MTUS2: variants seen among roughly 807,000 people sequenced by gnomAD.
The protein encoded by MTUS2 is microtubule-associated tumor suppressor candidate 2.
In MTUS2, 40 loss-of-function variants were observed where a neutral mutation model predicts 114.1. That is an observed-to-expected ratio of 0.35 (90% CI 0.27 to 0.46). The LOEUF is 0.46. Ranked by LOEUF, MTUS2 falls within the 20% of genes least tolerant of loss-of-function variation. MTUS2 has a pLI of 1.00. For missense variants in MTUS2, 1,679 were observed against 1,705.4 expected (o/e 0.98, Z 0.27); for synonymous variants, 688 against 672.0 (o/e 1.02, Z -0.37).
At chr13:29,137,677 C>T (rs866075771) in intron 5 of MTUS2, among the ~76,000 whole-genome samples, 1 of 151,802 alleles carries the variant, frequency 6.6e-6, no homozygotes, top group African/African-American at 2.4e-5. Flanking sequence ...AGTACAGTGG[C>T]GTGATCTTGG....
At chr13:29,330,765 G>A (rs1900736936) in intron 7 of MTUS2, among the ~76,000 whole-genome samples, 1 of 152,116 alleles carries the variant, frequency 6.6e-6, no homozygotes, top group African/African-American at 2.4e-5. Context: ...CATTATTTCT[G>A]AGGCCTTTAT....
intron 2 of MTUS2, among the ~76,000 whole-genome samples, chr13:28,896,533 C>A (rs1018784882): frequency 6.6e-6 from 1 of 152,126 alleles, no homozygotes; most frequent in Non-Finnish European, 1.5e-5. Flanking sequence ...ACTTTCTTCA[C>A]AGAATTGGAA....
intron 4 of MTUS2, among the ~76,000 whole-genome samples, chr13:29,091,899 A>G (rs1056372767): frequency 6.6e-6 from 1 of 152,234 alleles, no homozygotes; most frequent in South Asian, 2.1e-4. Flanking sequence ...TGCAGAGTAC[A>G]TGCTTGCTAG....
chr13:29,443,418 G>A (rs1460991375), intron 9 of MTUS2, among the ~76,000 whole-genome samples: 2 of 152,188 alleles, frequency 1.3e-5, no homozygotes, highest in Non-Finnish European at 2.9e-5. Flanking sequence ...TGCAGCAGGC[G>A]CTACACAAGG....
chr13:28,860,353 T>G (rs990542292), intron 2 of MTUS2, among the ~76,000 whole-genome samples: 2 of 152,168 alleles, frequency 1.3e-5, no homozygotes, highest in African/African-American at 4.8e-5. Flanking sequence ...CCTAAGAGGT[T>G]AGTATCTGAA....
At chr13:29,002,112 G>C (rs1885411693) in intron 2 of MTUS2, among the ~76,000 whole-genome samples, 1 of 152,156 alleles carries the variant, frequency 6.6e-6, no homozygotes, top group Non-Finnish European at 1.5e-5. Context: ...GTGTTGTCTT[G>C]AGCCAGTAAG....
chr13:28,979,011 G>A (rs932854112), intron 2 of MTUS2, among the ~76,000 whole-genome samples: 1 of 152,206 alleles, frequency 6.6e-6, no homozygotes, highest in Non-Finnish European at 1.5e-5. Flanking sequence ...CAGAAGAGAG[G>A]CAAGTCCCCT....
chr13:29,306,706 G>A (rs927207507), intron 6 of MTUS2: 79 of 259,010 alleles, frequency 3.1e-4, no homozygotes, highest in Admixed American at 1.4e-3. Flanking sequence ...GAAAATGGTC[G>A]GCTCCCTGCT....
chr13:29,149,799 G>T (rs1290815721), intron 5 of MTUS2, among the ~76,000 whole-genome samples: 1 of 152,070 alleles, frequency 6.6e-6, no homozygotes, highest in African/African-American at 2.4e-5. Flanking sequence ...GTTTTTGTTA[G>T]CTTTTTCAAA....
At chr13:29,341,027 C>T (rs952516834) in intron 7 of MTUS2, among the ~76,000 whole-genome samples, 2 of 152,186 alleles carry the variant, frequency 1.3e-5, no homozygotes, top group Admixed American at 6.5e-5. Flanking sequence ...GTTTGTACCA[C>T]ATTTTCTTTA....
At chr13:29,323,516 C>CTGGGATGACAGGCGTG (rs1265052172) in intron 6 of MTUS2, among the ~76,000 whole-genome samples, 2 of 152,162 alleles carry the variant, frequency 1.3e-5, no homozygotes, top group Non-Finnish European at 2.9e-5. Flanking sequence ...TCCCAAAGTG[C>CTGGGATGACAGGCGTG]TGGGATGACA....
intron 9 of MTUS2, among the ~76,000 whole-genome samples, chr13:29,465,850 C>T (rs1879848739): frequency 6.6e-6 from 1 of 152,242 alleles, no homozygotes; most frequent in African/African-American, 2.4e-5. Context: ...TCTAAATGTC[C>T]ACTCTGTCTT....
At chr13:28,995,903 G>A (rs1484718608) in intron 2 of MTUS2, among the ~76,000 whole-genome samples, 1 of 152,110 alleles carries the variant, frequency 6.6e-6, no homozygotes, top group Non-Finnish European at 1.5e-5. Flanking sequence ...TCTCCTGCCT[G>A]ATTGCCCTGG....
At chr13:28,925,852 A>T (rs368725439) in intron 2 of MTUS2, among the ~76,000 whole-genome samples, 2 of 152,236 alleles carry the variant, frequency 1.3e-5, no homozygotes, top group African/African-American at 4.8e-5. Context: ...CTTGTGGTGG[A>T]TGGTTGCTCT....
chr13:29,325,134 GT>G (rs1900426270), intron 7 of MTUS2, among the ~76,000 whole-genome samples: 1 of 152,146 alleles, frequency 6.6e-6, no homozygotes, highest in Admixed American at 6.5e-5. Flanking sequence ...ACTACATAAG[GT>G]TGCTTGAAAG....
chr13:28,837,313 A>T (rs994792206), intron 1 of MTUS2, among the ~76,000 whole-genome samples: 3 of 152,180 alleles, frequency 2.0e-5, no homozygotes, highest in African/African-American at 7.2e-5. Flanking sequence ...TTGCATACCA[A>T]TGTGCAGAGT....
chr13:29,197,870 T>A (rs1468671262), intron 5 of MTUS2, among the ~76,000 whole-genome samples: 1 of 152,246 alleles, frequency 6.6e-6, no homozygotes, highest in Non-Finnish European at 1.5e-5. Flanking sequence ...TTTTAGAAGT[T>A]CCTGTTCATA....
At chr13:29,287,595 A>G (rs1195915524) in intron 6 of MTUS2, among the ~76,000 whole-genome samples, 1 of 152,096 alleles carries the variant, frequency 6.6e-6, no homozygotes, top group East Asian at 1.9e-4. Context: ...AACTCTGTAA[A>G]CTTGCTTGTC....
chr13:28,875,302 C>T lies in MTUS2; in HGVS notation c.-243+35452C>T, dbSNP rs574753815. On this transcript the variant is annotated intron_variant, in intron 2 of 15. Coordinates refer to ENST00000612955, the MANE Select transcript of MTUS2 (RefSeq NM_001033602.4). ...GAACCTCCAAACTTAGATAAAGCAC[C>T]AGCTAGCACAGTACTTGGTACATAA... Among the ~76,000 whole-genome samples the T allele has an allele frequency of 2.6e-5, 4 of 151,990 alleles. No homozygotes were observed. In the East Asian group the frequency reaches 7.7e-4, roughly 29 times the overall value.
Sources: allele counts gnomAD v4.1 joint callset (sites outside exome capture counted in the v4.1 genomes callset), GRCh38; gene constraint gnomAD v4.1.1; transcripts MANE v1.5; gene names NCBI Gene and HGNC (gene_info 2026-07-23, HGNC 2026-07-21).